The following EIF4E3 variants were observed in gnomAD, a reference collection of about 807,000 sequenced individuals.
EIF4E3 encodes the protein eukaryotic translation initiation factor 4E type 3.
Under a neutral mutation model 31.7 loss-of-function variants are expected in EIF4E3, and 26 were observed. The observed-to-expected ratio is 0.82, with a 90% CI of 0.60 to 1.14. The LOEUF (loss-of-function observed/expected upper bound fraction) is 1.14, where lower values mean the gene tolerates loss of function less well. Among genes scored for constraint, EIF4E3 ranks in the 50% most tolerant of loss-of-function variants. The pLI, the probability that EIF4E3 is intolerant of heterozygous loss-of-function variation, is 0.00. For synonymous variants in EIF4E3, 128 were observed against 107.7 expected, an observed-to-expected ratio of 1.19 and a Z score of -1.17; for missense variants, 304 against 270.9, an observed-to-expected ratio of 1.12 and a Z score of -0.86.
At chr3:71,672,635 A>G (rs1437036044), downstream of EIF4E3, among the ~76,000 whole-genome samples, 1 of 152,178 alleles carries the variant, frequency 6.6e-6, no homozygotes, top group Non-Finnish European at 1.5e-5. Context: ...TCATCAAGTA[A>G]AACGTGTGAT....
At position 71,682,998 on chromosome 3, in the gene EIF4E3, T is replaced by C. The variant is rs1171509163; in HGVS notation, c.*1684A>G. ...AATTTTAAAACAAGTTGAATGTTAG[T>C]ACAATGTTTGGAGAAACAAGTCCTA... On this transcript the variant is annotated 3_prime_UTR_variant, in exon 7 of 7. Coordinates refer to ENST00000425534, the MANE Select transcript of EIF4E3 (RefSeq NM_001134651.2). 1 of 152,140 alleles carries C rather than the reference T, an allele frequency of 6.6e-6. No individual in the cohort carries two copies. Among genetic ancestry groups the C allele is most frequent in the East Asian group, 1.9e-4 (1 of 5,196 alleles). 9.4% of individuals were successfully genotyped at this position (152,140 alleles called of 1,614,324 possible).
intron 1 of EIF4E3, among the ~76,000 whole-genome samples, chr3:71,753,213 T>C (rs2049952482): frequency 6.6e-6 from 1 of 152,202 alleles, no homozygotes; most frequent in Admixed American, 6.5e-5. Context: ...TCGTGATTAC[T>C]GTTGAGGGAG....
At chr3:71,724,881 C>T (rs2049607166) in intron 1 of EIF4E3, among the ~76,000 whole-genome samples, 1 of 152,176 alleles carries the variant, frequency 6.6e-6, no homozygotes, top group Admixed American at 6.5e-5. Context: ...CTACCCTCTC[C>T]CACGGCCCTG....
chr3:71,687,144 G>C (rs2049002851), intron 6 of EIF4E3, among the ~76,000 whole-genome samples: 1 of 152,160 alleles, frequency 6.6e-6, no homozygotes. Context: ...GGGATTATAG[G>C]CACCTGCCAC....
chr3:71,731,583 T>C (rs2108136171), intron 1 of EIF4E3, among the ~76,000 whole-genome samples: 3 of 152,336 alleles, frequency 2.0e-5, no homozygotes, highest in Admixed American at 2.0e-4. Flanking sequence ...GCAGGGCCTG[T>C]CCATGGCTGG....
intron 4 of EIF4E3, among the ~76,000 whole-genome samples, chr3:71,695,784 G>T (rs1237167611): frequency 6.6e-6 from 1 of 152,136 alleles, no homozygotes; most frequent in Non-Finnish European, 1.5e-5. Flanking sequence ...CTTCCCCTTT[G>T]TCCATTTTCA....
At chr3:71,734,438 C>T (rs570509926) in intron 1 of EIF4E3, among the ~76,000 whole-genome samples, 1 of 152,120 alleles carries the variant, frequency 6.6e-6, no homozygotes, top group Non-Finnish European at 1.5e-5. Context: ...CCTAAAATGC[C>T]TAAGGGTCAT....
chr3:71,697,397 C>T (rs1378771509), intron 3 of EIF4E3, among the ~76,000 whole-genome samples: 1 of 152,178 alleles, frequency 6.6e-6, no homozygotes, highest in East Asian at 1.9e-4. Flanking sequence ...TCCATCACCT[C>T]GAGTCTTTAT....
At chr3:71,736,453 T>C (rs1474784219) in intron 1 of EIF4E3, among the ~76,000 whole-genome samples, 1 of 152,172 alleles carries the variant, frequency 6.6e-6, no homozygotes, top group Non-Finnish European at 1.5e-5. Flanking sequence ...ATCCAGACAA[T>C]GGAATATCAT....
rs528220937 is a variant in EIF4E3, at chr3:71,684,519, C to T, written c.*163G>A. On this transcript the variant is annotated 3_prime_UTR_variant, in exon 7 of 7. Coordinates refer to ENST00000425534, the MANE Select transcript of EIF4E3 (RefSeq NM_001134651.2). The stretch of plus-strand genomic sequence containing the variant: ...TAGAAACCCACACAATCTCCCCCCA[C>T]CCCACCTGCCACTTTGAGTCCTAAT... 7 of 597,380 alleles carry T rather than the reference C, an allele frequency of 1.2e-5. No individual in the cohort carries two copies. The African/African-American group carries it at 1.3e-4, about 11-fold the overall frequency. 37.0% of individuals were successfully genotyped at this position (597,380 alleles called of 1,614,324 possible).
intron 1 of EIF4E3, among the ~76,000 whole-genome samples, chr3:71,723,789 G>A (rs963014010): frequency 2.0e-5 from 3 of 152,090 alleles, no homozygotes; most frequent in African/African-American, 7.2e-5. Context: ...CCAAAAGCAC[G>A]CTTGTTATGA....
chr3:71,674,540 ATT>A (rs2048862601), downstream of EIF4E3, among the ~76,000 whole-genome samples: 1 of 152,184 alleles, frequency 6.6e-6, no homozygotes, highest in African/African-American at 2.4e-5. Flanking sequence ...AATGGGGATG[ATT>A]TGTTTTTTCC....
chr3:71,661,726 G>T, the EIF4E3 span, among the ~76,000 whole-genome samples: 1 of 152,200 alleles, frequency 6.6e-6, no homozygotes, highest in East Asian at 1.9e-4. Context: ...TCCTGATTCA[G>T]ATCTTAGTTC....
chr3:71,705,685 A>G (rs765284470), intron 2 of EIF4E3, among the ~76,000 whole-genome samples: 3 of 152,256 alleles, frequency 2.0e-5, no homozygotes, highest in Non-Finnish European at 4.4e-5. Context: ...CTTGTAGCAG[A>G]TAAGGCTGAA....
chr3:71,701,623 T>A (rs1464806736), intron 2 of EIF4E3, among the ~76,000 whole-genome samples: 1 of 152,146 alleles, frequency 6.6e-6, no homozygotes, highest in Non-Finnish European at 1.5e-5. Context: ...AAAATAGCAA[T>A]TAGAAAAATC....
chr3:71,733,301 G>A (rs1048369050), intron 1 of EIF4E3, among the ~76,000 whole-genome samples: 5 of 152,138 alleles, frequency 3.3e-5, no homozygotes, highest in African/African-American at 1.2e-4. Flanking sequence ...ATAACTGCTC[G>A]CCTAGTGGGA....
chr3:71,705,898 G>C (rs1234109217), intron 2 of EIF4E3, among the ~76,000 whole-genome samples: 3 of 152,138 alleles, frequency 2.0e-5, no homozygotes, highest in Non-Finnish European at 4.4e-5. Context: ...GAGTAGCTGA[G>C]ATCACAGGCA....
chr3:71,725,051 G>A lies in EIF4E3; in HGVS notation c.176+141C>T, dbSNP rs1308024247. 2.4e-5 allele frequency: 15 copies of A among 621,096 alleles called. No individual in the cohort carries two copies. Among genetic ancestry groups the A allele is most frequent in the Non-Finnish European group, 2.8e-5 (14 of 492,526 alleles). The allele number at this position is 621,096 out of a possible 1,614,324, so 38.5% of individuals were successfully genotyped here. On this transcript the variant is annotated intron_variant, in intron 1 of 6. Coordinates refer to ENST00000425534, the MANE Select transcript of EIF4E3 (RefSeq NM_001134651.2). The surrounding 1 kb of genome is among the most constrained non-coding windows in gnomAD (Gnocchi z 6.1). ...CCGACCCGGCGGGGCGAGTCCCGGG[G>A]TGCGCAGGCGGACGCGCGGAGGGGC...
downstream of EIF4E3, among the ~76,000 whole-genome samples, chr3:71,675,248 G>C (rs1258329232): frequency 6.6e-6 from 1 of 152,130 alleles, no homozygotes; most frequent in Non-Finnish European, 1.5e-5. Context: ...GGATAATCCG[G>C]AATTGGCCGT....
Sources: allele counts gnomAD v4.1 joint callset (sites outside exome capture counted in the v4.1 genomes callset), GRCh38; gene constraint gnomAD v4.1.1; non-coding constraint Gnocchi (gnomAD v3.1); transcripts MANE v1.5; gene names NCBI Gene and HGNC (gene_info 2026-07-23, HGNC 2026-07-21).